MACF1: variants seen among roughly 807,000 people sequenced by gnomAD.
MACF1 encodes microtubule-actin cross-linking factor 1.
Under a neutral mutation model 854.8 loss-of-function variants are expected in MACF1, and 193 were observed. The observed-to-expected ratio is 0.23, with a 90% CI of 0.20 to 0.25. The LOEUF (loss-of-function observed/expected upper bound fraction) is 0.25, where lower values mean the gene tolerates loss of function less well. Among genes scored for constraint, MACF1 ranks in the 10% least tolerant of loss-of-function variants. The pLI is 1.00. For missense variants in MACF1, 7,722 were observed against 8,929.1 expected (o/e 0.86, Z 5.45); for synonymous variants, 3,185 against 3,226.7 (o/e 0.99, Z 0.44).
intron 2 of MACF1, among the ~76,000 whole-genome samples, chr1:39,150,452 C>T (rs1044996582): frequency 6.6e-6 from 1 of 152,138 alleles, no homozygotes; most frequent in African/African-American, 2.4e-5. Flanking sequence ...TCATTCTACA[C>T]CTAATACCTA....
intron 92 of MACF1, among the ~76,000 whole-genome samples, chr1:39,461,004 C>T (rs1454221212): frequency 6.6e-6 from 1 of 151,378 alleles, no homozygotes; most frequent in Non-Finnish European, 1.5e-5. Context: ...ATCACCTGAG[C>T]CTGGGGAGGT....
At chr1:39,115,008 C>T (rs1315148233) in intron 2 of MACF1, among the ~76,000 whole-genome samples, 1 of 152,016 alleles carries the variant, frequency 6.6e-6, no homozygotes, top group Non-Finnish European at 1.5e-5. Flanking sequence ...AAGGTTGGAG[C>T]ATAGGATGTG....
In MACF1 at chr1:39,469,586, G is replaced by C; in HGVS notation, c.21929G>C (p.Ser7310Thr). The change falls in exon 97 of 101, where the codon AGC (serine) becomes ACC (threonine). Residue 7310 changes from serine to threonine, a missense_variant. This residue lies in a region of MACF1 where 153 missense variants were observed against 342.5 expected (regional missense o/e 0.45). Transcript: ENST00000564288. Reference sequence around the variant, plus strand: ...AGTAAAATAAAGCGCTCTGATTCCAGCTCTTCGATTTCCAGTCAGTCTCCC... The same window carrying C: ...AGTAAAATAAAGCGCTCTGATTCCACCTCTTCGATTTCCAGTCAGTCTCCC... ...PGSKIKRSDS[S>T]SSISSQSPIA... is the part of the protein sequence containing the mutation. 6.4e-7 allele frequency: 1 copy of C among 1,550,492 alleles called. No individual in the cohort carries two copies. Among genetic ancestry groups the C allele is most frequent in the South Asian group, 1.2e-5 (1 of 84,058 alleles).
At chr1:39,239,351 T>C (rs1480317360) in intron 2 of MACF1, among the ~76,000 whole-genome samples, 2 of 152,230 alleles carry the variant, frequency 1.3e-5, no homozygotes, top group Non-Finnish European at 2.9e-5. Flanking sequence ...CTTCTAGATT[T>C]AGTTGATCTT....
At chr1:39,152,057 C>T (rs887994946) in intron 2 of MACF1, among the ~76,000 whole-genome samples, 1 of 152,188 alleles carries the variant, frequency 6.6e-6, no homozygotes, top group African/African-American at 2.4e-5. Flanking sequence ...TCACTGCAAC[C>T]TCCACCTCCC....
intron 3 of MACF1, among the ~76,000 whole-genome samples, chr1:39,251,276 C>T (rs200819277): frequency 1.8e-3 from 271 of 152,230 alleles, no homozygotes; most frequent in African/African-American, 5.8e-3. Flanking sequence ...CTAGTTCTTG[C>T]TCTCTGGCTC....
intron 6 of MACF1, among the ~76,000 whole-genome samples, chr1:39,263,771 C>CTTTTTTTTTTTTTTTTTT (rs11453750): frequency 4.7e-4 from 47 of 100,162 alleles, no homozygotes; most frequent in African/African-American, 8.2e-4. Context: ...TTTCTTTTTT[C>CTTTTTTTTTTTTTTTTTT]TTTTTTTTTT....
intron 35 of MACF1, 104 bp downstream of exon 35, chr1:39,324,838 AGAG>A (rs1446237027): frequency 2.3e-6 from 2 of 852,152 alleles, no homozygotes; most frequent in Non-Finnish European, 3.8e-6. Flanking sequence ...CAGAGCAGCA[AGAG>A]CCAGATTATG....
chr1:39,309,995 T>C (rs1646268813), intron 24 of MACF1, among the ~76,000 whole-genome samples: 1 of 152,202 alleles, frequency 6.6e-6, no homozygotes. Context: ...ATGTAGTAGG[T>C]GAATACTTGT....
rs371836614 is a variant in MACF1, at chr1:39,393,460, ATTG to A, written c.15816+4807_15816+4809del. On this transcript the variant is annotated intron_variant, in intron 58 of 100. Transcript: ENST00000564288. ...TCACTTGTTTTTCATATGTATTTAT[ATTG>A]TTGTGTATTTGGGTCATGCTTCAGA... Among the ~76,000 whole-genome samples the A allele has an allele frequency of 1.5e-3, 234 of 151,812 alleles. 9 individuals carry two copies. The South Asian group carries it at 0.047, about 31-fold the overall frequency.
chr1:39,296,802 A>AAAAG (rs149623081), intron 20 of MACF1, among the ~76,000 whole-genome samples: 12,948 of 88,880 alleles, frequency 0.15, 1,652 homozygotes, highest in Non-Finnish European at 0.18. Context: ...GGAAGGAAGG[A>AAAAG]AAAGAAAGAA....
intron 64 of MACF1, 60 bp from the exon 65 acceptor site, chr1:39,429,767 T>A (rs1643838811): frequency 6.6e-7 from 1 of 1,524,914 alleles, no homozygotes; most frequent in East Asian, 2.3e-5. Flanking sequence ...AGAAAGGGGA[T>A]CAGAGACTCC....
chr1:39,208,437 T>G (rs969140680), intron 1 of MACF1, among the ~76,000 whole-genome samples: 1 of 151,988 alleles, frequency 6.6e-6, no homozygotes, highest in African/African-American at 2.4e-5. Context: ...CTCTCCTTAC[T>G]AATTAAAAAC....
At chr1:39,234,947 T>C (rs1426187469) in intron 2 of MACF1, among the ~76,000 whole-genome samples, 1 of 149,944 alleles carries the variant, frequency 6.7e-6, no homozygotes, top group Non-Finnish European at 1.5e-5. Context: ...CTAGATGTGA[T>C]GGCGGCAGGG....
intron 2 of MACF1, among the ~76,000 whole-genome samples, chr1:39,108,613 C>T (rs964573513): frequency 2.7e-5 from 4 of 150,806 alleles, no homozygotes; most frequent in South Asian, 2.1e-4. Flanking sequence ...CGGTTCACGC[C>T]GGAGGAAATT....
At chr1:39,122,446 G>C (rs182835255) in intron 2 of MACF1, among the ~76,000 whole-genome samples, 105 of 151,940 alleles carry the variant, frequency 6.9e-4, no homozygotes, top group Admixed American at 1.2e-3. Flanking sequence ...GTAGAGATGG[G>C]GTTTCACCAT....
chr1:39,452,225 A>C lies in MACF1; in HGVS notation c.20488A>C (p.Ile6830Leu). The C allele has an allele frequency of 1.2e-6, 2 of 1,614,208 alleles. No individual in the cohort carries two copies. Among genetic ancestry groups the C allele is most frequent in the African/African-American group, 1.3e-5 (1 of 75,058 alleles). ...QVLKRSGREL[I>L]ENSRDDTTWV... Reference sequence around the variant, plus strand: ...CCTGAAGCGGTCAGGCCGAGAGCTGATTGAGAATAGTCGAGATGACACCAC... The same window carrying C: ...CCTGAAGCGGTCAGGCCGAGAGCTGCTTGAGAATAGTCGAGATGACACCAC... Residue 6830 changes from isoleucine to leucine, a missense_variant, in exon 86 of 101, where the codon ATT (isoleucine) becomes CTT (leucine). Ile to Leu is a conservative substitution (Grantham distance 5, BLOSUM62 2). Around this residue, in one of 15 missense-constraint regions of MACF1, gnomAD observed 729 missense variants for 900.5 expected, o/e 0.81. Transcript: ENST00000564288.
intron 97 of MACF1, among the ~76,000 whole-genome samples, chr1:39,477,029 C>T (rs1415586059): frequency 2.8e-5 from 4 of 142,502 alleles, no homozygotes; most frequent in African/African-American, 5.2e-5. Context: ...TATACACACA[C>T]ATATATACAC....
At position 39,282,351 on chromosome 1, in the gene MACF1, C is replaced by T. The variant is rs1357813242; in HGVS notation, c.672C>T (p.Phe224=). The T allele has an allele frequency of 6.2e-7, 1 of 1,613,806 alleles. No individual in the cohort carries two copies. The highest frequency in any genetic ancestry group is 8.5e-7 in the Non-Finnish European group (1 of 1,179,930). Residue 224 remains phenylalanine (F), a synonymous_variant, in exon 7 of 101, where the codon TTC becomes TTT. Transcript: ENST00000564288. ...FSSCWSDGKM[F]NALIHRYRPD... is the part of the protein sequence containing the mutation. ...CCTGCTGGAGTGATGGGAAGATGTT[C>T]AATGCACTCATTCACCGATACCGGT...
Sources: allele counts gnomAD v4.1 joint callset (sites outside exome capture counted in the v4.1 genomes callset), GRCh38; gene constraint gnomAD v4.1.1; regional missense constraint gnomAD v4.1.1; transcripts MANE v1.5; gene names NCBI Gene and HGNC (gene_info 2026-07-23, HGNC 2026-07-21).